The following FBXO28 variants were observed in gnomAD, a reference collection of about 807,000 sequenced individuals.
FBXO28 encodes F-box only protein 28.
A neutral mutation model predicts 38.1 loss-of-function variants in FBXO28; 8 were observed. The observed-to-expected ratio is 0.21, with a 90% CI of 0.12 to 0.38. The LOEUF (loss-of-function observed/expected upper bound fraction) is 0.38. FBXO28 is among the 10% of genes least tolerant of loss of function. The pLI, the probability that FBXO28 is intolerant of heterozygous loss-of-function variation, is 1.00. For missense variants in FBXO28, 345 were observed against 460.6 expected (o/e 0.75, Z 2.30); for synonymous variants, 168 against 173.8 (o/e 0.97, Z 0.26).
intron 1 of FBXO28, among the ~76,000 whole-genome samples, chr1:224,126,089 C>T (rs1185374042): frequency 2.0e-5 from 3 of 152,184 alleles, no homozygotes; most frequent in Non-Finnish European, 4.4e-5. Flanking sequence ...TACACCATTA[C>T]ATCTAACTTA....
At chr1:224,152,925 C>CAAAAAA (rs57616453) in intron 3 of FBXO28, among the ~76,000 whole-genome samples, 11 of 64,908 alleles carry the variant, frequency 1.7e-4, no homozygotes, top group African/African-American at 7.1e-4. Context: ...AACTCTGTCT[C>CAAAAAA]AAAAAAAAAA....
At chr1:224,146,723 T>TTG (rs1330988636) in intron 3 of FBXO28, among the ~76,000 whole-genome samples, 23 of 144,716 alleles carry the variant, frequency 1.6e-4, no homozygotes, top group African/African-American at 5.1e-4. Context: ...TTTTTTTTTT[T>TTG]GGGAGACTGA....
intron 3 of FBXO28, among the ~76,000 whole-genome samples, chr1:224,149,473 G>C (rs998523509): frequency 1.6e-4 from 24 of 152,258 alleles, no homozygotes; most frequent in Non-Finnish European, 2.1e-4. Context: ...CCGTAGGTAT[G>C]AGCCACCACG....
chr1:224,120,024 G>A (rs892054998), intron 1 of FBXO28, among the ~76,000 whole-genome samples: 1 of 152,112 alleles, frequency 6.6e-6, no homozygotes, highest in Non-Finnish European at 1.5e-5. Context: ...AACAACTTCC[G>A]TCTCGTATCA....
At chr1:224,124,048 T>A (rs1236507894) in intron 1 of FBXO28, among the ~76,000 whole-genome samples, 2 of 152,120 alleles carry the variant, frequency 1.3e-5, no homozygotes, top group African/African-American at 4.8e-5. Context: ...AGGCAAAGGT[T>A]GCAGTGAGTG....
At chr1:224,154,672 G>A (rs532114468) in intron 4 of FBXO28, among the ~76,000 whole-genome samples, 2 of 152,302 alleles carry the variant, frequency 1.3e-5, no homozygotes, top group African/African-American at 4.8e-5. Context: ...GCTGGGCGCG[G>A]TGGTGGGTGT....
chr1:224,121,900 C>T (rs1176603660), intron 1 of FBXO28, among the ~76,000 whole-genome samples: 4 of 152,126 alleles, frequency 2.6e-5, no homozygotes, highest in Admixed American at 6.5e-5. Context: ...CCCAGCCTCC[C>T]GAGTAGCTGG....
At chr1:224,148,829 C>CTA (rs1657572858) in intron 3 of FBXO28, among the ~76,000 whole-genome samples, 2 of 143,796 alleles carry the variant, frequency 1.4e-5, no homozygotes, top group African/African-American at 5.2e-5. Flanking sequence ...CTTCCTCCTG[C>CTA]TCTAACTTCC....
intron 1 of FBXO28, among the ~76,000 whole-genome samples, chr1:224,115,212 G>A (rs776184821): frequency 2.0e-5 from 3 of 152,112 alleles, no homozygotes; most frequent in African/African-American, 7.2e-5. Context: ...TTGCCATTGG[G>A]GTTTTACTTC....
At chr1:224,156,952 A>T (rs12070670) in intron 4 of FBXO28, among the ~76,000 whole-genome samples, 76,680 of 150,232 alleles carry the variant, frequency 0.51, 20,548 homozygotes, top group South Asian at 0.6. Context: ...CAGTGAGCCG[A>T]GATCACGCCA....
At chr1:224,153,395 T>C in intron 4 of FBXO28, 58 bp downstream of exon 4, 1 of 1,354,794 alleles carries the variant, frequency 7.4e-7, no homozygotes, top group Non-Finnish European at 1.0e-6. Flanking sequence ...TCCGGTTTTT[T>C]TCCACTTAAC....
At chr1:224,132,913 C>T (rs1285796879) in intron 2 of FBXO28, among the ~76,000 whole-genome samples, 1 of 151,836 alleles carries the variant, frequency 6.6e-6, no homozygotes, top group African/African-American at 2.4e-5. Flanking sequence ...GAAATGAAAA[C>T]ATAATGTTTG....
At chr1:224,114,647 C>G (rs1036658637) in intron 1 of FBXO28, among the ~76,000 whole-genome samples, 3 of 152,376 alleles carry the variant, frequency 2.0e-5, no homozygotes, top group East Asian at 3.9e-4. Flanking sequence ...TCCTTGCCCC[C>G]CGCCCGGAAG....
chr1:224,117,118 C>T lies in FBXO28; in HGVS notation c.267+2722C>T, dbSNP rs189650904. On this transcript the variant is annotated intron_variant, in intron 1 of 4. Transcript: ENST00000366862. The stretch of plus-strand genomic sequence containing the variant: ...AACCTGGGAGGCAGGGGTTGCACAA[C>T]GTGAGCCGAGATCGCCGTCTCAAAA... 7.5e-4 allele frequency among the ~76,000 whole-genome samples: 114 copies of T among 151,184 alleles called. No homozygotes were observed. In the South Asian group the frequency reaches 8.1e-3, roughly 11 times the overall value.
intron 1 of FBXO28, among the ~76,000 whole-genome samples, chr1:224,127,326 TTC>T (rs1325204310): frequency 6.6e-6 from 1 of 152,074 alleles, no homozygotes; most frequent in Non-Finnish European, 1.5e-5. Flanking sequence ...CACTTGTGTG[TTC>T]TTGTGTTTTC....
chr1:224,134,920 G>A (rs1291192432), intron 3 of FBXO28, among the ~76,000 whole-genome samples: 1 of 152,090 alleles, frequency 6.6e-6, no homozygotes. Context: ...TAACATGGTT[G>A]GAAATAATTA....
chr1:224,157,896 CT>C lies in FBXO28; in HGVS notation c.*154del. ...CTTGAACTCTTATGGTTGGGACATT[CT>C]TTTCCTGCTTCTCCTGATTGAACTG... On this transcript the variant is annotated 3_prime_UTR_variant, in exon 5 of 5. Coordinates refer to ENST00000366862, the MANE Select transcript of FBXO28 (RefSeq NM_015176.4). 2 of 1,423,016 alleles carry C rather than the reference CT, an allele frequency of 1.4e-6. No homozygotes were observed. Among genetic ancestry groups the C allele is most frequent in the South Asian group, 1.6e-5 (1 of 62,350 alleles). The allele number at this position is 1,423,016 out of a possible 1,614,324, so 88.1% of individuals were successfully genotyped here. A position where few individuals can be genotyped will look rare whatever the true frequency, so the allele number is the denominator to read the frequency against.
chr1:224,138,404 T>C (rs945313343), intron 3 of FBXO28, among the ~76,000 whole-genome samples: 1 of 151,896 alleles, frequency 6.6e-6, no homozygotes, highest in African/African-American at 2.4e-5. Context: ...AAATGAATGC[T>C]TGTGCCTGCG....
At position 224,126,227 on chromosome 1, in the gene FBXO28, A is replaced by G. The variant is rs541348834; in HGVS notation, c.268-4245A>G. Among the ~76,000 whole-genome samples, 4 of 152,252 alleles carry G rather than the reference A, an allele frequency of 2.6e-5. No homozygotes were observed. In the South Asian group the frequency reaches 8.3e-4, roughly 32 times the overall value. On this transcript the variant is annotated intron_variant, in intron 1 of 4. Coordinates refer to ENST00000366862, the MANE Select transcript of FBXO28 (RefSeq NM_015176.4). ...CCAGTACTTAAATACTACACTAGCC[A>G]GCACTCATATTCGAGTTTATAGATT...
Sources: allele counts gnomAD v4.1 joint callset (sites outside exome capture counted in the v4.1 genomes callset), GRCh38; gene constraint gnomAD v4.1.1; transcripts MANE v1.5; gene names NCBI Gene and HGNC (gene_info 2026-07-23, HGNC 2026-07-21).